Variants in PHF2 observed in about 807,000 individuals in gnomAD.
PHF2 encodes lysine-specific demethylase PHF2.
In PHF2, 27 loss-of-function variants were observed where a neutral mutation model predicts 120.5. The observed-to-expected ratio is 0.22, with a 90% CI of 0.17 to 0.31. The LOEUF is 0.31. PHF2 is among the 10% of genes least tolerant of loss of function. The pLI, the probability that PHF2 is intolerant of heterozygous loss-of-function variation, is 1.00. For synonymous variants in PHF2, 568 were observed against 592.5 expected, an observed-to-expected ratio of 0.96 and a Z score of 0.60; for missense variants, 1,024 against 1,434.8, an observed-to-expected ratio of 0.71 and a Z score of 4.63.
At chr9:93,635,084 G>A (rs985317964) in intron 2 of PHF2, among the ~76,000 whole-genome samples, 2 of 152,214 alleles carry the variant, frequency 1.3e-5, no homozygotes, top group Admixed American at 6.5e-5. Flanking sequence ...ATCTGTGCCC[G>A]ATGCTTCCCT....
chr9:93,605,896 A>G (rs1345906620), intron 1 of PHF2, among the ~76,000 whole-genome samples: 2 of 152,166 alleles, frequency 1.3e-5, no homozygotes, highest in Non-Finnish European at 2.9e-5. Context: ...CTGTGTAGAC[A>G]TGTTTTCAGC....
At chr9:93,676,527 G>A (rs1826914290) in intron 20 of PHF2, 67 bp from the exon 21 acceptor site, 3 of 1,529,282 alleles carry the variant, frequency 2.0e-6, no homozygotes, top group Non-Finnish European at 1.8e-6. Context: ...GCCATGCCGG[G>A]AGCTCCCTGC....
At chr9:93,596,925 A>ATTTTTTTT (rs1158735768) in intron 1 of PHF2, among the ~76,000 whole-genome samples, 1 of 88,522 alleles carries the variant, frequency 1.1e-5, no homozygotes. Flanking sequence ...CGCCCAGCTA[A>ATTTTTTTT]TTTTTTTTTT....
chr9:93,672,563 G>A, intron 17 of PHF2: 1 of 984,808 alleles, frequency 1.0e-6, no homozygotes, highest in Non-Finnish European at 1.2e-6. Context: ...TGTAGATGCA[G>A]GTATGGGTGT....
intron 2 of PHF2, among the ~76,000 whole-genome samples, chr9:93,632,979 C>T (rs1176784666): frequency 4.6e-5 from 7 of 152,264 alleles, no homozygotes; most frequent in South Asian, 2.1e-4. Flanking sequence ...ACTCCAGGCA[C>T]GCCTTGCACA....
chr9:93,640,997 C>G (rs1173117070), intron 3 of PHF2, among the ~76,000 whole-genome samples: 1 of 152,130 alleles, frequency 6.6e-6, no homozygotes, highest in Non-Finnish European at 1.5e-5. Flanking sequence ...CTGCAGCTCT[C>G]TCAGTTATAG....
At chr9:93,643,641 C>G (rs1437322108) in intron 3 of PHF2, among the ~76,000 whole-genome samples, 1 of 152,330 alleles carries the variant, frequency 6.6e-6, no homozygotes, top group South Asian at 2.1e-4. Context: ...TGCTTCCTGT[C>G]CTGTTAACTG....
At chr9:93,620,306 C>G (rs1825804961) in intron 1 of PHF2, among the ~76,000 whole-genome samples, 1 of 152,244 alleles carries the variant, frequency 6.6e-6, no homozygotes, top group African/African-American at 2.4e-5. Context: ...TCTGGGTCCT[C>G]ATGGAGCCTC....
intron 1 of PHF2, among the ~76,000 whole-genome samples, chr9:93,604,224 C>T (rs1394866116): frequency 1.3e-5 from 2 of 151,966 alleles, no homozygotes; most frequent in Non-Finnish European, 2.9e-5. Context: ...GTGCAGGTGC[C>T]GGGGACCGAG....
chr9:93,596,870 T>C (rs1252889390), intron 1 of PHF2, among the ~76,000 whole-genome samples: 1 of 151,528 alleles, frequency 6.6e-6, no homozygotes, highest in Non-Finnish European at 1.5e-5. Flanking sequence ...GCGATTCTCC[T>C]GCCTCAGTCT....
At chr9:93,636,384 C>A in intron 2 of PHF2, 27 bp from the exon 3 acceptor site, 1 of 1,562,562 alleles carries the variant, frequency 6.4e-7, no homozygotes, top group Non-Finnish European at 8.7e-7. Context: ...GCTGTGTGAC[C>A]GACCTTGCTT....
At chr9:93,662,115 A>G (rs1564399102) in intron 12 of PHF2, among the ~76,000 whole-genome samples, 2 of 150,940 alleles carry the variant, frequency 1.3e-5, no homozygotes, top group African/African-American at 4.9e-5. Flanking sequence ...GGGTGGATGA[A>G]TAAATGGATG....
chr9:93,657,503 G>A (rs551484639), intron 9 of PHF2, among the ~76,000 whole-genome samples: 2 of 152,318 alleles, frequency 1.3e-5, no homozygotes, highest in East Asian at 3.9e-4. Flanking sequence ...ACCCCACAGG[G>A]CCAGCCTGAC....
chr9:93,578,914 T>G (rs10992789), intron 1 of PHF2, among the ~76,000 whole-genome samples: 21 of 152,118 alleles, frequency 1.4e-4, no homozygotes, highest in African/African-American at 4.6e-4. Flanking sequence ...TTGGGGTGGC[T>G]GTGGGGTCTG....
chr9:93,648,342 C>T (rs1280676768), intron 4 of PHF2, among the ~76,000 whole-genome samples: 2 of 152,168 alleles, frequency 1.3e-5, no homozygotes, highest in Non-Finnish European at 2.9e-5. Flanking sequence ...TGGTGGGACT[C>T]CCTCTGGGTG....
At chr9:93,577,854 G>T (rs1215708370) in intron 1 of PHF2, among the ~76,000 whole-genome samples, 1 of 152,158 alleles carries the variant, frequency 6.6e-6, no homozygotes, top group Non-Finnish European at 1.5e-5. Flanking sequence ...TGACAGTGTT[G>T]CCCAAACTGC....
rs910441856 is a variant in PHF2, at chr9:93,656,645, G to A, written c.1147+50G>A. 7.8e-7 allele frequency: 1 copy of A among 1,287,234 alleles called. No individual in the cohort carries two copies. Among genetic ancestry groups the A allele is most frequent in the Non-Finnish European group, 1.1e-6 (1 of 887,180 alleles). The allele number at this position is 1,287,234 out of a possible 1,614,324, so 79.7% of individuals were successfully genotyped here. ...TCCAAGCCTGGGGCTCTTGGCTGTG[G>A]GGGCAGCCAGACCTGGTCAGGGCTG... On this transcript the variant is annotated intron_variant, in intron 9 of 21. Transcript: ENST00000359246. This position sits in a 1 kb window ranked among gnomAD's most constrained non-coding sequence, Gnocchi z 4.1.
rs770996010 is a variant in PHF2, at chr9:93,677,913, C to T, written c.*237C>T. On this transcript the variant is annotated 3_prime_UTR_variant, in exon 22 of 22. Coordinates refer to ENST00000359246, the MANE Select transcript of PHF2 (RefSeq NM_005392.4). The surrounding 1 kb of genome is among the most constrained non-coding windows in gnomAD (Gnocchi z 4.4). ...CTAAGAGTGATCTGTCCCAGAAAAG[C>T]GGCCCTGCAAGTTTGAGGACCGCTT... is the stretch of plus-strand genomic sequence containing the variant. 9.8e-6 allele frequency: 5 copies of T among 510,056 alleles called. No homozygotes were observed. The highest frequency in any genetic ancestry group is 5.3e-5 in the South Asian group (2 of 37,858). 31.6% of individuals were successfully genotyped at this position (510,056 alleles called of 1,614,324 possible).
At position 93,663,638 on chromosome 9, in the gene PHF2, A is replaced by G; in HGVS notation, c.1937+3A>G. 1 of 1,583,116 alleles carries G rather than the reference A, an allele frequency of 6.3e-7. No homozygotes were observed. The highest frequency in any genetic ancestry group is 8.7e-7 in the Non-Finnish European group (1 of 1,154,148). On this transcript the variant is annotated splice_donor_region_variant and intron_variant, in intron 14 of 21. Coordinates refer to ENST00000359246, the MANE Select transcript of PHF2 (RefSeq NM_005392.4). ...TTCTCCAACAAGAAACTCCTCGGGT[A>G]TGTGAGTGCCTGGATGGGAGGGGTG...
Sources: allele counts gnomAD v4.1 joint callset (sites outside exome capture counted in the v4.1 genomes callset), GRCh38; gene constraint gnomAD v4.1.1; non-coding constraint Gnocchi (gnomAD v3.1); transcripts MANE v1.5; gene names NCBI Gene and HGNC (gene_info 2026-07-23, HGNC 2026-07-21).